TMEM132B: variants seen among roughly 807,000 people sequenced by gnomAD.
TMEM132B encodes transmembrane protein 132B.
TMEM132B carries 18 observed loss-of-function variants against 90.8 expected under a neutral mutation model. The observed-to-expected ratio is 0.20, with a 90% CI of 0.14 to 0.29. The LOEUF (loss-of-function observed/expected upper bound fraction) is 0.29, where lower values mean the gene tolerates loss of function less well. TMEM132B is among the 10% of genes least tolerant of loss of function. TMEM132B has a pLI of 1.00. For synonymous variants in TMEM132B, 504 were observed against 523.3 expected (o/e 0.96, Z 0.50); for missense variants, 1,096 against 1,326.8 (o/e 0.83, Z 2.70).
chr12:125,652,595 C>G lies in TMEM132B; in HGVS notation c.2069C>G (p.Thr690Arg). 1 of 1,613,638 alleles carries G rather than the reference C, an allele frequency of 6.2e-7. No homozygotes were observed. The highest frequency in any genetic ancestry group is 2.2e-5 in the East Asian group (1 of 44,856). The change falls in exon 8 of 9, where the codon ACA (threonine) becomes AGA (arginine). Residue 690 changes from threonine (T) to arginine (R), a missense_variant. By Grantham distance (71) the Thr-to-Arg change is moderately conservative. Transcript: ENST00000682704. The stretch of plus-strand genomic sequence containing the variant: ...GCAGACAAAAGGGCCATCGTCTCCA[C>G]AGCTGCTGCCCTGGATGTTCTTCAG... ...HRADKRAIVS[T>R]AAALDVLQSP...
At chr12:125,332,685 A>G (rs146051458) in intron 1 of TMEM132B, among the ~76,000 whole-genome samples, 1 of 143,504 alleles carries the variant, frequency 7.0e-6, no homozygotes, top group South Asian at 2.3e-4. Context: ...ACAGGATTGT[A>G]AAAGGGATGT....
intron 4 of TMEM132B, among the ~76,000 whole-genome samples, chr12:125,583,493 C>A (rs1885103197): frequency 6.6e-6 from 1 of 152,096 alleles, no homozygotes; most frequent in African/African-American, 2.4e-5. Context: ...CCCAAATGAT[C>A]CTTGAGCCGA....
rs567024876 is a variant in TMEM132B, at chr12:125,375,078, G to GAA, written c.959+24737_959+24738dup. Among the ~76,000 whole-genome samples the GAA allele has an allele frequency of 4.3e-4, 66 of 152,308 alleles. 4 individuals are homozygous for GAA. In the East Asian group the frequency reaches 0.012, roughly 29 times the overall value. On this transcript the variant is annotated intron_variant, in intron 2 of 8. Coordinates refer to ENST00000682704, the MANE Select transcript of TMEM132B (RefSeq NM_001366854.1). ...TCTGTATGTAAATTTTGCTATTATG[G>GAA]AAATTGTGTCAGAAATTGTACTGCA...
intron 2 of TMEM132B, among the ~76,000 whole-genome samples, chr12:125,381,406 A>G (rs535717504): frequency 1.3e-5 from 2 of 152,146 alleles, no homozygotes; most frequent in South Asian, 2.1e-4. Context: ...ACGTCATACC[A>G]CTGGGGTGCT....
chr12:125,478,187 T>A (rs553257283), intron 3 of TMEM132B, among the ~76,000 whole-genome samples: 1 of 152,306 alleles, frequency 6.6e-6, no homozygotes, highest in East Asian at 1.9e-4. Context: ...CTGAAAATTC[T>A]AAAAACCAGA....
intron 4 of TMEM132B, among the ~76,000 whole-genome samples, chr12:125,549,266 A>G (rs950030345): frequency 6.6e-6 from 1 of 152,242 alleles, no homozygotes; most frequent in Non-Finnish European, 1.5e-5. Flanking sequence ...TTGTTAATGA[A>G]GAAGGCTAAT....
At chr12:125,494,882 G>A (rs1201285761) in intron 3 of TMEM132B, among the ~76,000 whole-genome samples, 3 of 90,638 alleles carry the variant, frequency 3.3e-5, no homozygotes, top group African/African-American at 9.0e-5. Flanking sequence ...CCTCCTCCCT[G>A]GAAAAGGATG....
At chr12:125,358,741 C>T (rs938807261) in intron 2 of TMEM132B, among the ~76,000 whole-genome samples, 2 of 152,192 alleles carry the variant, frequency 1.3e-5, no homozygotes, top group African/African-American at 4.8e-5. Context: ...AAGTTTGTGT[C>T]TGCCCCGTTT....
At chr12:125,195,373 G>T (rs75118082) in intron 1 of TMEM132B, among the ~76,000 whole-genome samples, 1 of 150,140 alleles carries the variant, frequency 6.7e-6, no homozygotes, top group South Asian at 2.1e-4. Context: ...GAGATGGAGC[G>T]CTGGGGAGGA....
intron 1 of TMEM132B, among the ~76,000 whole-genome samples, chr12:125,253,001 C>T (rs994117243): frequency 3.9e-5 from 6 of 152,218 alleles, no homozygotes; most frequent in African/African-American, 1.4e-4. Flanking sequence ...TGCTCTGTGT[C>T]TGGAGCCCCG....
Position 125,213,320 on chromosome 12 carries a change from A to G in TMEM132B, c.67+26454A>G, listed in dbSNP as rs974687014. Among the ~76,000 whole-genome samples the G allele has an allele frequency of 8.5e-5, 13 of 152,136 alleles. No individual in the cohort carries two copies. Among genetic ancestry groups the G allele is most frequent in the African/African-American group, 3.1e-4 (13 of 41,416 alleles). ...TATGCCACCTTTTGTTTATCCGTTC[A>G]TCTGTTAGTGGGTGTTTGGGTTGCT... On this transcript the variant is annotated intron_variant, in intron 1 of 8. Coordinates refer to ENST00000682704, the MANE Select transcript of TMEM132B (RefSeq NM_001366854.1). This position sits in a 1 kb window ranked among gnomAD's most constrained non-coding sequence, Gnocchi z 4.2.
rs540482049 is a variant in TMEM132B at position 125,273,288 on chromosome 12, C to G, written c.68-76164C>G. Among the ~76,000 whole-genome samples, 89 of 152,280 alleles carry G rather than the reference C, an allele frequency of 5.8e-4. 1 individual carries two copies. In the Middle Eastern group the frequency reaches 0.02, roughly 35 times the overall value. On this transcript the variant is annotated intron_variant, in intron 1 of 8. Coordinates refer to ENST00000682704, the MANE Select transcript of TMEM132B (RefSeq NM_001366854.1). ...ACAATGAATACCCATGTACCTACTA[C>G]TTAGTTAAGAAAAACAGGCCGGGTG...
chr12:125,384,952 A>T lies in TMEM132B; in HGVS notation c.960-30579A>T, dbSNP rs117478892. ...CAGGCATGAGCCACCATGCCCAGCC[A>T]TTTTCTACCCTTTGATCAACACCTC... On this transcript the variant is annotated intron_variant, in intron 2 of 8. Transcript: ENST00000682704. Among the ~76,000 whole-genome samples, 6 of 152,130 alleles carry T rather than the reference A, an allele frequency of 3.9e-5. No homozygotes were observed. In the East Asian group the frequency reaches 1.2e-3, roughly 29 times the overall value.
rs1873192388 is a variant in TMEM132B, at chr12:125,206,617, C to T, written c.67+19751C>T. Reference sequence around the variant, plus strand: ...CTTGGTGTGGGTGTTTAGTCTTCCTCTGCTCAGTGGCTTGGGAAGAGCCAC... The same window carrying T: ...CTTGGTGTGGGTGTTTAGTCTTCCTTTGCTCAGTGGCTTGGGAAGAGCCAC... On this transcript the variant is annotated intron_variant, in intron 1 of 8. Coordinates refer to ENST00000682704, the MANE Select transcript of TMEM132B (RefSeq NM_001366854.1). Among the ~76,000 whole-genome samples the T allele has an allele frequency of 3.3e-5, 5 of 152,120 alleles. No homozygotes were observed. In the South Asian group the frequency reaches 8.3e-4, roughly 25 times the overall value.
rs116848620 is a variant in TMEM132B at position 125,355,062 on chromosome 12, C to A, written c.959+4719C>A. On this transcript the variant is annotated intron_variant, in intron 2 of 8. Coordinates refer to ENST00000682704, the MANE Select transcript of TMEM132B (RefSeq NM_001366854.1). ...TTGAGAGCCCCCACTTTAAAACACT[C>A]TTCTGGGCTCTTCTGCTTGTCTGGT... Among the ~76,000 whole-genome samples, 40 of 152,010 alleles carry A rather than the reference C, an allele frequency of 2.6e-4. 1 individual carries two copies. The East Asian group carries it at 7.4e-3, about 28-fold the overall frequency.
intron 1 of TMEM132B, among the ~76,000 whole-genome samples, chr12:125,319,912 A>T (rs564632835): frequency 2.0e-5 from 3 of 152,020 alleles, no homozygotes; most frequent in Admixed American, 6.6e-5. Flanking sequence ...GCCACTTGGG[A>T]GGCTGAGGTG....
rs142446357 is a variant in TMEM132B, at chr12:125,441,787, T to G, written c.1106+26110T>G. ...GTGAATTTAGTCAGATAACAAACTC[T>G]TTCTGAATCTCTTCTGTAAAATGGG... On this transcript the variant is annotated intron_variant, in intron 3 of 8. Coordinates refer to ENST00000682704, the MANE Select transcript of TMEM132B (RefSeq NM_001366854.1). 2.6e-3 allele frequency among the ~76,000 whole-genome samples: 398 copies of G among 152,350 alleles called. 2 individuals are homozygous for G. Among genetic ancestry groups the G allele is most frequent in the African/African-American group, 8.7e-3 (362 of 41,578 alleles).
rs145895793 is a variant in TMEM132B, at chr12:125,407,093, C to T, written c.960-8438C>T. 3.9e-3 allele frequency among the ~76,000 whole-genome samples: 600 copies of T among 152,332 alleles called. 4 individuals are homozygous for T. Among genetic ancestry groups the T allele is most frequent in the African/African-American group, 0.013 (552 of 41,586 alleles). On this transcript the variant is annotated intron_variant, in intron 2 of 8. Coordinates refer to ENST00000682704, the MANE Select transcript of TMEM132B (RefSeq NM_001366854.1). This position sits in a 1 kb window ranked among gnomAD's most constrained non-coding sequence, Gnocchi z 6.7. ...TTGGAACTTGGTCACATAGACATGG[C>T]TGACTCTCCAGTCCCTCCAGTGGTC...
Position 125,213,938 on chromosome 12 carries a change from T to G in TMEM132B, c.67+27072T>G, listed in dbSNP as rs1873377997. On this transcript the variant is annotated intron_variant, in intron 1 of 8. Transcript: ENST00000682704. The surrounding 1 kb of genome is among the most constrained non-coding windows in gnomAD (Gnocchi z 4.2). ...AAATGGATGGATTTAGTCATTCGAATATTTATTGATGCTTTTTGTGTGCCA... is the reference window on the plus strand; with the variant it reads ...AAATGGATGGATTTAGTCATTCGAAGATTTATTGATGCTTTTTGTGTGCCA... Among the ~76,000 whole-genome samples the G allele has an allele frequency of 6.6e-6, 1 of 152,224 alleles. No individual in the cohort carries two copies. Among genetic ancestry groups the G allele is most frequent in the Non-Finnish European group, 1.5e-5 (1 of 68,042 alleles).
Sources: allele counts gnomAD v4.1 joint callset (sites outside exome capture counted in the v4.1 genomes callset), GRCh38; gene constraint gnomAD v4.1.1; non-coding constraint Gnocchi (gnomAD v3.1); transcripts MANE v1.5; gene names NCBI Gene and HGNC (gene_info 2026-07-23, HGNC 2026-07-21).